Variants in ADCY1 observed in about 807,000 individuals in gnomAD.
The protein encoded by ADCY1 is adenylate cyclase 1.
A neutral mutation model predicts 105.4 loss-of-function variants in ADCY1; 28 were observed. The observed-to-expected ratio is 0.27, with a 90% CI of 0.20 to 0.36. The LOEUF is 0.36. Ranked by LOEUF, ADCY1 falls within the 10% of genes least tolerant of loss-of-function variation. ADCY1 has a pLI of 1.00. For missense variants in ADCY1, 977 were observed against 1,434.2 expected, an observed-to-expected ratio of 0.68 and a Z score of 5.15; for synonymous variants, 655 against 623.8, an observed-to-expected ratio of 1.05 and a Z score of -0.75.
intron 3 of ADCY1, among the ~76,000 whole-genome samples, chr7:45,612,982 C>T (rs1230908284): frequency 2.6e-5 from 4 of 152,160 alleles, no homozygotes; most frequent in African/African-American, 9.7e-5. Flanking sequence ...TCCTCCTGTA[C>T]AGGACCGGTC....
chr7:45,635,138 GTT>G (rs59397788), intron 4 of ADCY1, among the ~76,000 whole-genome samples: 50 of 145,832 alleles, frequency 3.4e-4, no homozygotes, highest in African/African-American at 1.2e-3. Flanking sequence ...AGTGAGGTCA[GTT>G]TTTTTTTTTT....
intron 4 of ADCY1, among the ~76,000 whole-genome samples, chr7:45,641,692 CG>C (rs1161571529): frequency 6.6e-6 from 1 of 150,410 alleles, no homozygotes; most frequent in Non-Finnish European, 1.5e-5. Flanking sequence ...TTTGGGAGGC[CG>C]AGGCAGGTGG....
At chr7:45,610,788 T>TGATGGAGG (rs1793533979) in intron 3 of ADCY1, among the ~76,000 whole-genome samples, 1 of 149,958 alleles carries the variant, frequency 6.7e-6, no homozygotes, top group African/African-American at 2.5e-5. Context: ...GTGGGGGTGA[T>TGATGGAGG]GGTGGAGGTG....
At chr7:45,692,626 T>C (rs79004885) in intron 14 of ADCY1, among the ~76,000 whole-genome samples, 166 of 152,296 alleles carry the variant, frequency 1.1e-3, no homozygotes, top group African/African-American at 3.7e-3. Context: ...AAAAAATCAG[T>C]TCATAATACT....
intron 19 of ADCY1, among the ~76,000 whole-genome samples, chr7:45,711,534 C>T (rs771373253): frequency 1.3e-5 from 2 of 148,430 alleles, no homozygotes; most frequent in African/African-American, 2.5e-5. Context: ...TCTAGGTGTA[C>T]GGTTGAGTGG....
At chr7:45,580,324 C>T (rs932834583) in intron 1 of ADCY1, among the ~76,000 whole-genome samples, 1 of 152,098 alleles carries the variant, frequency 6.6e-6, no homozygotes, top group Non-Finnish European at 1.5e-5. Flanking sequence ...GCTGAGGGGC[C>T]GGGGGGCAGC....
At chr7:45,696,388 G>C (rs1230020389) in intron 14 of ADCY1, among the ~76,000 whole-genome samples, 1 of 134,662 alleles carries the variant, frequency 7.4e-6, no homozygotes, top group Non-Finnish European at 1.5e-5. Context: ...GCAGTGAGCT[G>C]AGATCACCCC....
At chr7:45,662,357 C>A in intron 8 of ADCY1, 143 bp downstream of exon 8, 1 of 934,736 alleles carries the variant, frequency 1.1e-6, no homozygotes, top group Non-Finnish European at 1.5e-6. Flanking sequence ...CTGCTCAGAG[C>A]TGAGCTACTT....
At chr7:45,608,567 G>A (rs540981400) in intron 2 of ADCY1, among the ~76,000 whole-genome samples, 5 of 152,334 alleles carry the variant, frequency 3.3e-5, no homozygotes, top group East Asian at 3.9e-4. Context: ...AGTTGTCCAC[G>A]TGAGCTCCAG....
At chr7:45,683,799 C>T (rs1784610754) in intron 11 of ADCY1, among the ~76,000 whole-genome samples, 2 of 152,146 alleles carry the variant, frequency 1.3e-5, no homozygotes, top group African/African-American at 2.4e-5. Context: ...TCAGGCCCAG[C>T]GGCAGGCCAA....
Position 45,583,072 on chromosome 7 carries a change from G to A in ADCY1, c.639+7890G>A, listed in dbSNP as rs77103487. Among the ~76,000 whole-genome samples the A allele has an allele frequency of 5.0e-3, 756 of 152,340 alleles. 4 individuals carry two copies. Among genetic ancestry groups the A allele is most frequent in the African/African-American group, 0.018 (732 of 41,590 alleles). ...CTTCCCAGAGCTCGGGTGTGACTTCGTAGAGCCTGAACATAGCTCTCTGGG... is the reference window on the plus strand; with the variant it reads ...CTTCCCAGAGCTCGGGTGTGACTTCATAGAGCCTGAACATAGCTCTCTGGG... On this transcript the variant is annotated intron_variant, in intron 1 of 19. Coordinates refer to ENST00000297323, the MANE Select transcript of ADCY1 (RefSeq NM_021116.4).
intron 14 of ADCY1, among the ~76,000 whole-genome samples, chr7:45,696,497 T>TA (rs1269788589): frequency 2.6e-5 from 4 of 150,992 alleles, no homozygotes; most frequent in Non-Finnish European, 4.4e-5. Flanking sequence ...AACAGTCTGT[T>TA]ACATTTATAA....
At chr7:45,630,318 A>G (rs1440939371) in intron 4 of ADCY1, among the ~76,000 whole-genome samples, 1 of 152,168 alleles carries the variant, frequency 6.6e-6, no homozygotes, top group African/African-American at 2.4e-5. Flanking sequence ...TGTTGTATTT[A>G]AAAAGTCTTT....
In ADCY1 at chr7:45,719,939, A is replaced by G. The variant is rs758308244; in HGVS notation, c.*5944A>G. The G allele has an allele frequency of 5.3e-5, 8 of 152,022 alleles. No homozygotes were observed. Among genetic ancestry groups the G allele is most frequent in the Middle Eastern group, 3.2e-3 (1 of 316 alleles). The allele number at this position is 152,022 out of a possible 1,614,324, so 9.4% of individuals were successfully genotyped here. On this transcript the variant is annotated 3_prime_UTR_variant, in exon 20 of 20. Transcript: ENST00000297323. ...CACTGAAGTCCAGGGGCATTGAGGCACTAACTAGGTTCCATTTTCTTTGGT... is the reference window on the plus strand; with the variant it reads ...CACTGAAGTCCAGGGGCATTGAGGCGCTAACTAGGTTCCATTTTCTTTGGT...
chr7:45,618,972 C>G (rs1793815416), intron 3 of ADCY1, among the ~76,000 whole-genome samples: 1 of 152,154 alleles, frequency 6.6e-6, no homozygotes, highest in Admixed American at 6.5e-5. Flanking sequence ...AAGTGTCCAA[C>G]AGCAGATGAA....
At chr7:45,614,246 T>C (rs569780786) in intron 3 of ADCY1, among the ~76,000 whole-genome samples, 1 of 152,176 alleles carries the variant, frequency 6.6e-6, no homozygotes, top group South Asian at 2.1e-4. Flanking sequence ...ATAGAAACTG[T>C]GACAACATAA....
intron 2 of ADCY1, among the ~76,000 whole-genome samples, chr7:45,599,235 T>C (rs1793155876): frequency 6.6e-6 from 1 of 152,070 alleles, no homozygotes; most frequent in Non-Finnish European, 1.5e-5. Flanking sequence ...CTTCCTGCCT[T>C]GAATGCCAGC....
chr7:45,622,279 G>A lies in ADCY1; in HGVS notation c.909-353G>A, dbSNP rs73694822. On this transcript the variant is annotated intron_variant, in intron 3 of 19. Coordinates refer to ENST00000297323, the MANE Select transcript of ADCY1 (RefSeq NM_021116.4). Reference sequence around the variant, plus strand: ...AAGCACATCACTTCTGCTCGGTGCCGCTGGCCACATCCCAGTCACGTAACC... The same window carrying A: ...AAGCACATCACTTCTGCTCGGTGCCACTGGCCACATCCCAGTCACGTAACC... Among the ~76,000 whole-genome samples the A allele has an allele frequency of 4.7e-3, 713 of 152,188 alleles. 2 individuals are homozygous for A. The highest frequency in any genetic ancestry group is 0.016 in the African/African-American group (677 of 41,538).
intron 1 of ADCY1, among the ~76,000 whole-genome samples, chr7:45,577,247 A>C (rs1313377354): frequency 3.9e-5 from 6 of 152,230 alleles, no homozygotes; most frequent in Admixed American, 6.5e-5. Context: ...GTTGTAGTGA[A>C]GGTAAACACT....
Sources: gnomAD v4.1 joint callset for allele counts (sites outside exome capture counted in the v4.1 genomes callset) on GRCh38, gnomAD v4.1.1 for gene constraint, MANE v1.5 for transcripts, NCBI Gene and HGNC (gene_info 2026-07-23, HGNC 2026-07-21) for gene names.